MARK3: variants seen among roughly 807,000 people sequenced by gnomAD.
MARK3 encodes MAP/microtubule affinity-regulating kinase 3.
MARK3 carries 46 observed loss-of-function variants against 90.1 expected under a neutral mutation model. The ratio of observed to expected loss-of-function variants is 0.51; its 90% CI spans 0.40 to 0.65. MARK3 has a LOEUF of 0.65. Ranked by LOEUF, MARK3 falls within the 30% of genes least tolerant of loss-of-function variation. The pLI is 0.00. For missense variants in MARK3, 818 were observed against 947.2 expected (o/e 0.86, Z 1.79); for synonymous variants, 321 against 332.6 (o/e 0.97, Z 0.38).
At chr14:103,396,733 T>G (rs1460458503) in intron 1 of MARK3, among the ~76,000 whole-genome samples, 1 of 152,106 alleles carries the variant, frequency 6.6e-6, no homozygotes, top group African/African-American at 2.4e-5. Flanking sequence ...TCATCTCTCA[T>G]AAGAACTCTC....
intron 3 of MARK3, among the ~76,000 whole-genome samples, chr14:103,440,968 C>T (rs1040331152): frequency 6.7e-6 from 1 of 149,928 alleles, no homozygotes; most frequent in Non-Finnish European, 1.5e-5. Flanking sequence ...AGAAAAATCT[C>T]ATTATGGTTT....
intron 1 of MARK3, among the ~76,000 whole-genome samples, chr14:103,392,584 A>G (rs2090328508): frequency 6.6e-6 from 1 of 152,100 alleles, no homozygotes; most frequent in South Asian, 2.1e-4. Flanking sequence ...TGCTAACTAA[A>G]CTATACTCCT....
chr14:103,462,299 C>G (rs2093417521), intron 6 of MARK3, 106 bp from the exon 7 acceptor site: 2 of 693,208 alleles, frequency 2.9e-6, no homozygotes, highest in South Asian at 2.7e-5. Context: ...CACGGACATT[C>G]GAGCGTATAC....
intron 3 of MARK3, among the ~76,000 whole-genome samples, chr14:103,435,635 C>T (rs868603796): frequency 2.0e-5 from 3 of 151,880 alleles, no homozygotes; most frequent in Non-Finnish European, 2.9e-5. Context: ...GTCTCAATCT[C>T]CTGACCTCAT....
intron 6 of MARK3, among the ~76,000 whole-genome samples, chr14:103,460,803 C>T (rs897799336): frequency 6.6e-6 from 1 of 152,182 alleles, no homozygotes; most frequent in East Asian, 1.9e-4. Flanking sequence ...AAAGCTATGA[C>T]TTTGTTTTGG....
chr14:103,470,617 A>C (rs946811171), intron 12 of MARK3, among the ~76,000 whole-genome samples: 2 of 151,324 alleles, frequency 1.3e-5, no homozygotes, highest in Non-Finnish European at 2.9e-5. Context: ...CACCATGCCC[A>C]GCTAATTTTT....
chr14:103,409,605 A>G (rs905337013), intron 2 of MARK3, among the ~76,000 whole-genome samples: 3 of 152,132 alleles, frequency 2.0e-5, no homozygotes, highest in African/African-American at 7.2e-5. Flanking sequence ...TGTCTCTTCA[A>G]AGACAATCAC....
chr14:103,411,951 C>T (rs1389560137), intron 2 of MARK3, among the ~76,000 whole-genome samples: 1 of 143,214 alleles, frequency 7.0e-6, no homozygotes, highest in Admixed American at 7.0e-5. Context: ...ATTTTCATAG[C>T]TTTTTTTTTT....
chr14:103,501,551 T>C (rs1438581499), intron 17 of MARK3, among the ~76,000 whole-genome samples: 3 of 152,170 alleles, frequency 2.0e-5, no homozygotes, highest in African/African-American at 7.2e-5. Flanking sequence ...AAACAAACAC[T>C]CTTCCCTATC....
chr14:103,402,377 A>C (rs1397355303), intron 1 of MARK3, among the ~76,000 whole-genome samples: 3 of 152,030 alleles, frequency 2.0e-5, no homozygotes, highest in African/African-American at 7.3e-5. Context: ...ACATAGTGAA[A>C]CCCTGTCTCT....
At chr14:103,401,319 C>A (rs1222913373) in intron 1 of MARK3, among the ~76,000 whole-genome samples, 1 of 152,132 alleles carries the variant, frequency 6.6e-6, no homozygotes, top group African/African-American at 2.4e-5. Flanking sequence ...TTTCAGTCTG[C>A]TGTATGAGGA....
intron 3 of MARK3, 140 bp from the exon 4 acceptor site, chr14:103,448,779 G>A (rs1259835322): frequency 1.3e-6 from 1 of 792,090 alleles, no homozygotes; most frequent in Admixed American, 3.5e-5. Flanking sequence ...TTTCATATTA[G>A]TCTTAGATAT....
chr14:103,445,751 C>G (rs746502041), intron 3 of MARK3, among the ~76,000 whole-genome samples: 3 of 152,162 alleles, frequency 2.0e-5, no homozygotes, highest in Non-Finnish European at 4.4e-5. Context: ...CATCTTTTTC[C>G]TGCTTTTTGG....
chr14:103,386,777 G>T (rs2089838653), intron 1 of MARK3, among the ~76,000 whole-genome samples: 1 of 152,200 alleles, frequency 6.6e-6, no homozygotes, highest in Non-Finnish European at 1.5e-5. Flanking sequence ...GGGCTTCGCT[G>T]TCCTCCTTCC....
intron 15 of MARK3, among the ~76,000 whole-genome samples, chr14:103,495,346 G>A: frequency 6.6e-6 from 1 of 152,142 alleles, no homozygotes; most frequent in East Asian, 1.9e-4. Context: ...TTGATGTTGT[G>A]GCACATGCTT....
rs753451640 is a variant in MARK3, at chr14:103,465,715, A to G, written c.699A>G (p.Glu233=). The G allele has an allele frequency of 3.1e-6, 5 of 1,614,148 alleles. No homozygotes were observed. Among genetic ancestry groups the G allele is most frequent in the Non-Finnish European group, 4.2e-6 (5 of 1,180,036 alleles). ...AGGGCAAGAAATATGACGGGCCAGAAGTGGATGTGTGGAGTCTGGGGGTCA... is the reference window on the plus strand; with the variant it reads ...AGGGCAAGAAATATGACGGGCCAGAGGTGGATGTGTGGAGTCTGGGGGTCA... ...LFQGKKYDGP[E]VDVWSLGVIL... Residue 233 remains glutamate (E), a synonymous_variant, in exon 8 of 18, where the codon GAA becomes GAG. Transcript: ENST00000429436.
intron 3 of MARK3, among the ~76,000 whole-genome samples, chr14:103,448,611 C>G (rs2093052949): frequency 6.6e-6 from 1 of 152,156 alleles, no homozygotes; most frequent in Admixed American, 6.6e-5. Context: ...AGAAATTATT[C>G]CTGCGTAAGT....
intron 2 of MARK3, among the ~76,000 whole-genome samples, chr14:103,428,075 T>C (rs2092468042): frequency 6.6e-6 from 1 of 152,150 alleles, no homozygotes; most frequent in African/African-American, 2.4e-5. Flanking sequence ...CCTTAATCCT[T>C]AAGAATTGTA....
At chr14:103,455,461 T>C (rs929971875) in intron 5 of MARK3, among the ~76,000 whole-genome samples, 2 of 152,188 alleles carry the variant, frequency 1.3e-5, no homozygotes, top group Admixed American at 6.5e-5. Flanking sequence ...GCACGGTGGC[T>C]CACGCGTGTA....
Sources: gnomAD v4.1 joint callset for allele counts (sites outside exome capture counted in the v4.1 genomes callset) on GRCh38, gnomAD v4.1.1 for gene constraint, MANE v1.5 for transcripts, NCBI Gene and HGNC (gene_info 2026-07-23, HGNC 2026-07-21) for gene names.